The following MBTD1 variants were observed in gnomAD, a reference collection of about 807,000 sequenced individuals.
MBTD1 encodes mbt domain containing 1.
A neutral mutation model predicts 87.8 loss-of-function variants in MBTD1; 24 were observed. The ratio of observed to expected loss-of-function variants is 0.27; its 90% CI spans 0.20 to 0.38. The LOEUF is 0.38. MBTD1 is among the 10% of genes least tolerant of loss of function. MBTD1 has a pLI of 1.00. For synonymous variants in MBTD1, 237 were observed against 248.6 expected (o/e 0.95, Z 0.44); for missense variants, 436 against 760.2 (o/e 0.57, Z 5.02).
chr17:51,200,326 C>T (rs890488749), intron 12 of MBTD1, among the ~76,000 whole-genome samples: 3 of 151,904 alleles, frequency 2.0e-5, no homozygotes, highest in African/African-American at 7.3e-5. Flanking sequence ...ACTCAGGAGG[C>T]TGAGGCAGCA....
chr17:51,179,747 T>C lies in MBTD1; in HGVS notation c.*829A>G, dbSNP rs2050239791. 6.6e-6 allele frequency: 1 copy of C among 151,392 alleles called. No individual in the cohort carries two copies. The highest frequency in any genetic ancestry group is 1.9e-4 in the East Asian group (1 of 5,158). The allele number at this position is 151,392 out of a possible 1,614,324, so 9.4% of individuals were successfully genotyped here. ...ATAGAGGGAAATGGCAGAGAACTGA[T>C]CAGAATCCCTTTCGTGGGGTATTTT... On this transcript the variant is annotated 3_prime_UTR_variant, in exon 17 of 17. Transcript: ENST00000586178.
rs187201870 is a variant in MBTD1 at position 51,197,177 on chromosome 17, T to C, written c.1225-1816A>G. On this transcript the variant is annotated intron_variant, in intron 12 of 16. Coordinates refer to ENST00000586178, the MANE Select transcript of MBTD1 (RefSeq NM_017643.3). ...AGTGCAGTGGTGCAATCTCAGCTCA[T>C]TGCAACCTCCCCCTTCTGGGTTCAA... is the stretch of plus-strand genomic sequence containing the variant. Among the ~76,000 whole-genome samples, 77 of 143,834 alleles carry C rather than the reference T, an allele frequency of 5.4e-4. No homozygotes were observed. In the East Asian group the frequency reaches 0.012, roughly 21 times the overall value. The allele number at this position is 143,834 out of a possible 152,430, so 94.4% of individuals were successfully genotyped here. A position where few individuals can be genotyped will look rare whatever the true frequency, so the allele number is the denominator to read the frequency against.
At chr17:51,239,533 T>C (rs1333291854) in intron 2 of MBTD1, among the ~76,000 whole-genome samples, 3 of 152,228 alleles carry the variant, frequency 2.0e-5, no homozygotes, top group Non-Finnish European at 4.4e-5. Context: ...GAATGGTTTA[T>C]ATGCTTTAAG....
At chr17:51,234,421 A>AG (rs398031070) in intron 2 of MBTD1, among the ~76,000 whole-genome samples, 3 of 150,980 alleles carry the variant, frequency 2.0e-5, no homozygotes, top group Non-Finnish European at 3.0e-5. Flanking sequence ...AAAAAAAAAA[A>AG]GTAACATTGC....
intron 13 of MBTD1, 143 bp downstream of exon 13, chr17:51,195,071 C>CTATG (rs1265438243): frequency 2.2e-5 from 13 of 578,602 alleles, no homozygotes; most frequent in East Asian, 1.2e-4. Flanking sequence ...TTAGAGCAAC[C>CTATG]TACAGCTCCT....
rs367881730 is a variant in MBTD1 at position 51,202,084 on chromosome 17, G to A, written c.1064-7C>T. The A allele has an allele frequency of 6.3e-6, 10 of 1,581,442 alleles. No individual in the cohort carries two copies. In the African/African-American group the frequency reaches 1.3e-4, roughly 21 times the overall value. ...TCCTGTTTCTTTGTAATATCTACAAGGAAAAGTTACACACTAATCTGTCAG... is the reference window on the plus strand; with the variant it reads ...TCCTGTTTCTTTGTAATATCTACAAAGAAAAGTTACACACTAATCTGTCAG... On this transcript the variant is annotated splice_region_variant and splice_polypyrimidine_tract_variant and intron_variant, in intron 10 of 16. Transcript: ENST00000586178.
At chr17:51,210,323 A>G (rs1461973326) in intron 6 of MBTD1, among the ~76,000 whole-genome samples, 1 of 152,120 alleles carries the variant, frequency 6.6e-6, no homozygotes, top group East Asian at 1.9e-4. Context: ...ACCAGAATCT[A>G]TCTTTTGGGG....
At chr17:51,226,475 C>T (rs1024342322) in intron 2 of MBTD1, among the ~76,000 whole-genome samples, 2 of 150,900 alleles carry the variant, frequency 1.3e-5, no homozygotes, top group Non-Finnish European at 3.0e-5. Context: ...TGCACTCCAG[C>T]CTGTGTGACA....
chr17:51,210,869 G>A (rs2052157401), intron 6 of MBTD1, among the ~76,000 whole-genome samples: 1 of 152,106 alleles, frequency 6.6e-6, no homozygotes, highest in Non-Finnish European at 1.5e-5. Flanking sequence ...AATTGGCATG[G>A]TGTGGTGGCT....
chr17:51,233,775 T>TC (rs1269739577), intron 2 of MBTD1, among the ~76,000 whole-genome samples: 1 of 152,110 alleles, frequency 6.6e-6, no homozygotes, highest in Non-Finnish European at 1.5e-5. Flanking sequence ...CCAACATGCA[T>TC]CATTATAACA....
At chr17:51,226,756 C>G (rs1462471104) in intron 2 of MBTD1, among the ~76,000 whole-genome samples, 2 of 151,330 alleles carry the variant, frequency 1.3e-5, no homozygotes, top group Non-Finnish European at 2.9e-5. Context: ...CTCAGTCTCT[C>G]GAGTAGCTGG....
intron 13 of MBTD1, 96 bp downstream of exon 13, chr17:51,195,118 C>T (rs953800661): frequency 9.2e-7 from 1 of 1,083,364 alleles, no homozygotes; most frequent in South Asian, 1.6e-5. Context: ...TATATACGTA[C>T]TCAGGAAATC....
intron 2 of MBTD1, among the ~76,000 whole-genome samples, chr17:51,227,038 C>G (rs979371679): frequency 6.6e-6 from 1 of 151,782 alleles, no homozygotes; most frequent in Non-Finnish European, 1.5e-5. Flanking sequence ...GTCAGGAGAT[C>G]GAGACCATCC....
At chr17:51,223,700 G>GT (rs1289535950) in intron 3 of MBTD1, among the ~76,000 whole-genome samples, 1 of 152,114 alleles carries the variant, frequency 6.6e-6, no homozygotes, top group African/African-American at 2.4e-5. Context: ...GCCAGGCATG[G>GT]TGGTGCAGGC....
At chr17:51,260,584 G>C (rs779135385), upstream of MBTD1, 13 of 1,611,634 alleles carry the variant, frequency 8.1e-6, no homozygotes, top group African/African-American at 1.3e-5. Flanking sequence ...CAAACCTAAC[G>C]ATGCCGCCGG....
At chr17:51,195,809 T>C (rs2051066900) in intron 12 of MBTD1, among the ~76,000 whole-genome samples, 1 of 152,242 alleles carries the variant, frequency 6.6e-6, no homozygotes, top group South Asian at 2.1e-4. Flanking sequence ...TCTTTTATGC[T>C]ACAGATAACC....
intron 6 of MBTD1, among the ~76,000 whole-genome samples, chr17:51,211,109 C>T (rs1317910719): frequency 6.7e-6 from 1 of 149,774 alleles, no homozygotes; most frequent in African/African-American, 2.5e-5. Flanking sequence ...TACACTCCAG[C>T]CTGGGTGACA....
At position 51,235,424 on chromosome 17, in the gene MBTD1, C is replaced by T. The variant is rs113464583; in HGVS notation, c.-48-10215G>A. Reference sequence around the variant, plus strand: ...AAGTGCTGGAATTACAGGTGTGACCCATTATGCCCAGCTAGATGAAAATAT... The same window carrying T: ...AAGTGCTGGAATTACAGGTGTGACCTATTATGCCCAGCTAGATGAAAATAT... On this transcript the variant is annotated intron_variant, in intron 2 of 16. Transcript: ENST00000586178. 1.4e-4 allele frequency among the ~76,000 whole-genome samples: 22 copies of T among 152,266 alleles called. 2 individuals are homozygous for T. Among genetic ancestry groups the T allele is most frequent in the African/African-American group, 5.3e-4 (22 of 41,558 alleles).
chr17:51,221,999 A>G (rs575239396), intron 3 of MBTD1, among the ~76,000 whole-genome samples: 2 of 152,188 alleles, frequency 1.3e-5, no homozygotes, highest in Non-Finnish European at 2.9e-5. Flanking sequence ...AGAGAAAACT[A>G]AACGGTTTTC....
Sources: gnomAD v4.1 joint callset for allele counts (sites outside exome capture counted in the v4.1 genomes callset) on GRCh38, gnomAD v4.1.1 for gene constraint, MANE v1.5 for transcripts, NCBI Gene and HGNC (gene_info 2026-07-23, HGNC 2026-07-21) for gene names.